MEAK7: variants seen among roughly 807,000 people sequenced by gnomAD.
MEAK7 encodes MTOR associated protein MEAK7.
MEAK7 carries 68 observed loss-of-function variants against 40.5 expected under a neutral mutation model. That is an observed-to-expected ratio of 1.68 (90% CI 1.38 to 2.06). MEAK7 has a LOEUF of 2.06. MEAK7 is among the 30% of genes most tolerant of loss of function. MEAK7 has a pLI of 0.00. For missense variants in MEAK7, 918 were observed against 580.5 expected, an observed-to-expected ratio of 1.58 and a Z score of -5.98; for synonymous variants, 338 against 231.9, an observed-to-expected ratio of 1.46 and a Z score of -4.16.
chr16:84,501,560 T>C (rs1160550125), intron 1 of MEAK7, among the ~76,000 whole-genome samples: 13 of 151,780 alleles, frequency 8.6e-5, no homozygotes. Context: ...AACCCAGAAA[T>C]GCACAGAAGC....
At chr16:84,484,549 G>T (rs1912865901) in intron 5 of MEAK7, among the ~76,000 whole-genome samples, 1 of 152,166 alleles carries the variant, frequency 6.6e-6, no homozygotes, top group South Asian at 2.1e-4. Flanking sequence ...AGTATAATCA[G>T]TTCTTCTTTC....
intron 1 of MEAK7, among the ~76,000 whole-genome samples, chr16:84,502,054 G>C (rs1261703222): frequency 6.6e-6 from 1 of 152,104 alleles, no homozygotes; most frequent in African/African-American, 2.4e-5. Context: ...TGAGGCAGGA[G>C]AATTGCTTGA....
At position 84,486,892 on chromosome 16, in the gene MEAK7, C is replaced by A. The variant is rs1455401809; in HGVS notation, c.697G>T (p.Glu233Ter). Residue 233 changes from glutamate to a stop codon, truncating the protein, a stop_gained, in exon 5 of 8, where the codon GAG becomes TAG. Transcript: ENST00000343629. LOFTEE classifies it high-confidence loss of function. ...SSLDLTTLVP[E>*]RQVDQGRGFE... ...CCCCTGCCCTGGTCCACTTGACGCT[C>A]AGGGACCAGGGTAGTCAGATCAAGA... 1 of 1,614,186 alleles carries A rather than the reference C, an allele frequency of 6.2e-7. No individual in the cohort carries two copies. Among genetic ancestry groups the A allele is most frequent in the South Asian group, 1.1e-5 (1 of 91,074 alleles).
rs144273695 is a variant in MEAK7, at chr16:84,477,816, C to A, written c.*2097G>T. On this transcript the variant is annotated 3_prime_UTR_variant, in exon 8 of 8. Transcript: ENST00000343629. ...AGGTTTGAGTGTCCAGAGGCAGAAC[C>A]GTGCACCAAGAGAAGCCCACAGAGA... 1 of 152,220 alleles carries A rather than the reference C, an allele frequency of 6.6e-6. No homozygotes were observed. Among genetic ancestry groups the A allele is most frequent in the Admixed American group, 6.5e-5 (1 of 15,280 alleles). 9.4% of individuals were successfully genotyped at this position (152,220 alleles called of 1,614,324 possible). A position where few individuals can be genotyped will look rare whatever the true frequency, so the allele number is the denominator to read the frequency against.
At chr16:84,494,327 A>C (rs951322622) in intron 3 of MEAK7, among the ~76,000 whole-genome samples, 1 of 152,210 alleles carries the variant, frequency 6.6e-6, no homozygotes, top group African/African-American at 2.4e-5. Context: ...TCTAGCTTTG[A>C]CCAGTGTCAA....
At chr16:84,483,670 C>T (rs1255308000) in intron 5 of MEAK7, among the ~76,000 whole-genome samples, 1 of 152,210 alleles carries the variant, frequency 6.6e-6, no homozygotes, top group Non-Finnish European at 1.5e-5. Flanking sequence ...TGTGGGCTGA[C>T]ACCGCCCAAG....
At chr16:84,503,268 G>T (rs890088489) in intron 1 of MEAK7, among the ~76,000 whole-genome samples, 2 of 152,154 alleles carry the variant, frequency 1.3e-5, no homozygotes, top group African/African-American at 4.8e-5. Context: ...ATTCAAAGCC[G>T]CCTTAGGCCA....
At chr16:84,480,070 A>G (rs1334381396) in intron 7 of MEAK7, 44 bp from the exon 8 acceptor site, 1 of 1,468,666 alleles carries the variant, frequency 6.8e-7, no homozygotes, top group East Asian at 2.4e-5. Context: ...TGATGGCCCA[A>G]CAAGAGGCAG....
rs150287199 is a variant in MEAK7, at chr16:84,491,055, T to G, written c.385-1633A>C. 2.0e-5 allele frequency among the ~76,000 whole-genome samples: 3 copies of G among 152,294 alleles called. No homozygotes were observed. In the East Asian group the frequency reaches 5.8e-4, roughly 29 times the overall value. On this transcript the variant is annotated intron_variant, in intron 3 of 7. Transcript: ENST00000343629. ...AGCTACTCTTTAATGAAACCAAAAG[T>G]TGGTTCATTGAAAAGATCAACAAAA...
At chr16:84,493,352 A>C (rs905242837) in intron 3 of MEAK7, among the ~76,000 whole-genome samples, 3 of 152,196 alleles carry the variant, frequency 2.0e-5, no homozygotes, top group Non-Finnish European at 4.4e-5. Context: ...ATCGGTTCCG[A>C]TAACTTCAGA....
intron 4 of MEAK7, among the ~76,000 whole-genome samples, chr16:84,489,024 C>A (rs1314095775): frequency 6.6e-6 from 1 of 151,970 alleles, no homozygotes; most frequent in African/African-American, 2.4e-5. Context: ...ATGTGAAAAC[C>A]CTTTAGCTAG....
At chr16:84,491,475 GTTGT>G (rs1913595160) in intron 3 of MEAK7, among the ~76,000 whole-genome samples, 1 of 147,882 alleles carries the variant, frequency 6.8e-6, no homozygotes, top group Admixed American at 6.9e-5. Flanking sequence ...GGAGGCAGAG[GTTGT>G]AGTGAGCTGA....
intron 1 of MEAK7, among the ~76,000 whole-genome samples, chr16:84,498,910 T>C (rs1227265748): frequency 1.3e-5 from 2 of 151,588 alleles, no homozygotes; most frequent in Non-Finnish European, 2.9e-5. Context: ...AGCTGTGTAG[T>C]CTTGGGCAAG....
chr16:84,487,107 T>G, intron 4 of MEAK7, 48 bp from the exon 5 acceptor site: 2 of 1,554,676 alleles, frequency 1.3e-6, no homozygotes, highest in South Asian at 2.5e-5. Flanking sequence ...ATGTCACCAT[T>G]TAGCTACTAT....
At chr16:84,483,314 A>C (rs1912742795) in intron 5 of MEAK7, among the ~76,000 whole-genome samples, 1 of 152,252 alleles carries the variant, frequency 6.6e-6, no homozygotes, top group Admixed American at 6.5e-5. Flanking sequence ...CCAGTCTCAG[A>C]GACTCCTCCA....
Position 84,480,689 on chromosome 16 carries a change from T to C in MEAK7, c.1097A>G (p.Asn366Ser), listed in dbSNP as rs1199707482. Reference protein sequence around the residue: ...PNGLGMGGQHNYFGLWVDVDF... With the variant: ...PNGLGMGGQHSYFGLWVDVDF... ...AACATCCACCCAAAGCCCAAAGTAA[T>C]TGTGCTGCCCCCCCATACCCTGCAA... Residue 366 changes from asparagine to serine, a missense_variant, in exon 7 of 8, where the codon AAT becomes AGT. Coordinates refer to ENST00000343629, the MANE Select transcript of MEAK7 (RefSeq NM_020947.4). The C allele has an allele frequency of 2.5e-6, 4 of 1,613,342 alleles. No individual in the cohort carries two copies. The highest frequency in any genetic ancestry group is 3.4e-6 in the Non-Finnish European group (4 of 1,179,620).
intron 5 of MEAK7, among the ~76,000 whole-genome samples, chr16:84,484,123 G>A (rs553747638): frequency 2.6e-5 from 4 of 152,320 alleles, no homozygotes; most frequent in African/African-American, 9.6e-5. Context: ...TGCGGAGCAA[G>A]GTCGCAGGGC....
chr16:84,486,506 C>T (rs1400894637), intron 5 of MEAK7, 125 bp downstream of exon 5: 2 of 1,452,584 alleles, frequency 1.4e-6, no homozygotes, highest in Non-Finnish European at 1.8e-6. Context: ...ATCGCCCCGA[C>T]TGCGTCTAGA....
At chr16:84,497,697 T>A in intron 2 of MEAK7, 1 of 1,457,628 alleles carries the variant, frequency 6.9e-7, no homozygotes, top group Non-Finnish European at 9.2e-7. Flanking sequence ...GAGGGATGCG[T>A]TTAGACACTG....
Sources: gnomAD v4.1 joint callset for allele counts (sites outside exome capture counted in the v4.1 genomes callset) on GRCh38, gnomAD v4.1.1 for gene constraint, MANE v1.5 for transcripts, NCBI Gene and HGNC (gene_info 2026-07-23, HGNC 2026-07-21) for gene names.